RPGRIP1L: variants seen among roughly 807,000 people sequenced by gnomAD.
RPGRIP1L encodes protein fantom.
A neutral mutation model predicts 160.4 loss-of-function variants in RPGRIP1L; 131 were observed. That is an observed-to-expected ratio of 0.82 (90% CI 0.71 to 0.94). RPGRIP1L has a LOEUF of 0.94. Among genes scored for constraint, RPGRIP1L ranks in the 40% least tolerant of loss-of-function variants. RPGRIP1L has a pLI of 0.00. For missense variants in RPGRIP1L, 1,522 were observed against 1,535.8 expected (o/e 0.99, Z 0.15); for synonymous variants, 510 against 515.8 (o/e 0.99, Z 0.15).
chr16:53,625,571 C>T (rs983576834), intron 22 of RPGRIP1L, among the ~76,000 whole-genome samples: 1 of 149,474 alleles, frequency 6.7e-6, no homozygotes, highest in African/African-American at 2.5e-5. Flanking sequence ...GGTGGGGGGG[C>T]CCCTCTGCCC....
rs1185723333 is a variant in RPGRIP1L at position 53,691,109 on chromosome 16, G to GT, written c.529+956dup. ...CCCTTTCTGTTCATAGTGGTTTTTC[G>GT]TTTTTTTTTTTTTAATTCCTCAAAG... On this transcript the variant is annotated intron_variant, in intron 4 of 26. Transcript: ENST00000647211. 4.1e-3 allele frequency among the ~76,000 whole-genome samples: 570 copies of GT among 138,332 alleles called. 4 individuals carry two copies. The highest frequency in any genetic ancestry group is 7.4e-3 in the African/African-American group (283 of 38,102). The allele number at this position is 138,332 out of a possible 152,430, so 90.8% of individuals were successfully genotyped here. A position where few individuals can be genotyped will look rare whatever the true frequency, so the allele number is the denominator to read the frequency against.
At chr16:53,635,118 T>C (rs950462175) in intron 22 of RPGRIP1L, among the ~76,000 whole-genome samples, 14 of 152,276 alleles carry the variant, frequency 9.2e-5, no homozygotes, top group Admixed American at 3.3e-4. Context: ...AAAATATATA[T>C]GTACATTAGA....
intron 19 of RPGRIP1L, among the ~76,000 whole-genome samples, chr16:53,639,631 T>C (rs1183249618): frequency 6.6e-6 from 1 of 152,124 alleles, no homozygotes; most frequent in East Asian, 1.9e-4. Context: ...GGCTACTGTG[T>C]TCAAATCCCA....
chr16:53,628,050 A>G (rs1965292718), intron 22 of RPGRIP1L, among the ~76,000 whole-genome samples: 1 of 152,140 alleles, frequency 6.6e-6, no homozygotes, highest in Non-Finnish European at 1.5e-5. Flanking sequence ...AGGTAAGAGA[A>G]TTTCAACCAT....
Position 53,649,078 on chromosome 16 carries a change from T to C in RPGRIP1L, c.2190A>G (p.Glu730=). ...KGDIPNFGTV[E]YWFRLRVPMD... is the part of the protein sequence containing the mutation. ...TGGGAACTCTTAATCGGAACCAGTA[T>C]TCCACTGTGCCAAAATTTGGGATGT... Residue 730 remains glutamate (E), a synonymous_variant, in exon 16 of 27, where the codon GAA becomes GAG. Transcript: ENST00000647211. 1 of 1,614,096 alleles carries C rather than the reference T, an allele frequency of 6.2e-7. No individual in the cohort carries two copies. The highest frequency in any genetic ancestry group is 1.7e-5 in the Admixed American group (1 of 60,020).
At chr16:53,678,759 A>G (rs1269349165) in intron 6 of RPGRIP1L, among the ~76,000 whole-genome samples, 1 of 152,236 alleles carries the variant, frequency 6.6e-6, no homozygotes, top group Non-Finnish European at 1.5e-5. Flanking sequence ...TGTTTTGAGT[A>G]ATAGTTACAG....
At position 53,658,862 on chromosome 16, in the gene RPGRIP1L, G is replaced by C; in HGVS notation, c.1260C>G (p.Leu420=). The change falls in exon 11 of 27, where the codon CTC becomes CTG. Residue 420 remains leucine (L), a synonymous_variant. Coordinates refer to ENST00000647211, the MANE Select transcript of RPGRIP1L (RefSeq NM_015272.5). ...LKTERDQNEK[L]VQENRELQLQ... Reference sequence around the variant, plus strand: ...ACTGTAGTTCTCTATTCTCTTGAACGAGTTTTTCATTTTGATCTTAAAAAT... The same window carrying C: ...ACTGTAGTTCTCTATTCTCTTGAACCAGTTTTTCATTTTGATCTTAAAAAT... The C allele has an allele frequency of 1.9e-6, 3 of 1,598,598 alleles. No homozygotes were observed. The highest frequency in any genetic ancestry group is 2.6e-6 in the Non-Finnish European group (3 of 1,169,010).
At chr16:53,627,586 T>C (rs572587598) in intron 22 of RPGRIP1L, among the ~76,000 whole-genome samples, 1 of 152,336 alleles carries the variant, frequency 6.6e-6, no homozygotes, top group South Asian at 2.1e-4. Context: ...GTTACCACTA[T>C]CTTGAAGTTG....
chr16:53,695,813 C>T (rs1310372008), intron 3 of RPGRIP1L: 1 of 320,522 alleles, frequency 3.1e-6, no homozygotes, highest in Admixed American at 4.7e-5. Flanking sequence ...TTAAAACTTT[C>T]ATTTTAAAAT....
intron 7 of RPGRIP1L, among the ~76,000 whole-genome samples, chr16:53,673,263 T>A (rs76259720): frequency 1.7e-3 from 262 of 152,298 alleles, no homozygotes; most frequent in African/African-American, 6.1e-3. Flanking sequence ...CATATTTTAT[T>A]TCCTCCTAGT....
intron 25 of RPGRIP1L, among the ~76,000 whole-genome samples, chr16:53,610,060 CA>C (rs1963928513): frequency 6.6e-6 from 1 of 151,826 alleles, no homozygotes; most frequent in Non-Finnish European, 1.5e-5. Flanking sequence ...GGTCATAAGG[CA>C]AGGAGAAGTG....
rs147856665 is a variant in RPGRIP1L at position 53,692,934 on chromosome 16, A to G, written c.231-570T>C. Among the ~76,000 whole-genome samples the G allele has an allele frequency of 1.9e-3, 296 of 152,368 alleles. 2 individuals are homozygous for G. The highest frequency in any genetic ancestry group is 6.7e-3 in the African/African-American group (280 of 41,592). On this transcript the variant is annotated intron_variant, in intron 3 of 26. Transcript: ENST00000647211. ...AAATGTTGCTTAGTGCTCAAGAAAC[A>G]CTTGTGTTTAATGGTAAAAAATAAT...
chr16:53,698,689 G>A (rs1413948272), intron 2 of RPGRIP1L, among the ~76,000 whole-genome samples: 29 of 142,870 alleles, frequency 2.0e-4, no homozygotes, highest in East Asian at 1.6e-3. Context: ...CCCCCCGCCC[G>A]GCCAGCCGCA....
intron 4 of RPGRIP1L, among the ~76,000 whole-genome samples, chr16:53,690,461 G>C (rs1176682469): frequency 7.9e-5 from 12 of 152,082 alleles, no homozygotes; most frequent in Non-Finnish European, 1.5e-4. Context: ...CTCCCAAAGT[G>C]CTGGGATTAT....
rs774753693 is a variant in RPGRIP1L at position 53,696,142 on chromosome 16, T to G, written c.230+9A>C. 1 of 1,613,402 alleles carries G rather than the reference T, an allele frequency of 6.2e-7. No individual in the cohort carries two copies. Among genetic ancestry groups the G allele is most frequent in the Non-Finnish European group, 8.5e-7 (1 of 1,179,650 alleles). On this transcript the variant is annotated intron_variant, in intron 3 of 26. Coordinates refer to ENST00000647211, the MANE Select transcript of RPGRIP1L (RefSeq NM_015272.5). ...TCAAGAAAAAAAGCTAAAAGCTTTT[T>G]ATCATAACCTTTTAATTTTATCCTC...
chr16:53,636,401 T>A (rs956233595), intron 22 of RPGRIP1L, 38 bp downstream of exon 22: 1 of 1,396,890 alleles, frequency 7.2e-7, no homozygotes, highest in Admixed American at 1.7e-5. Flanking sequence ...AAGGCAGCCT[T>A]ATTTCAGAAC....
chr16:53,698,580 A>G (rs1246194742), intron 2 of RPGRIP1L, among the ~76,000 whole-genome samples: 663 of 92,522 alleles, frequency 7.2e-3, no homozygotes, highest in Middle Eastern at 0.03. Context: ...CGCCTCGTCC[A>G]GGAGGTGAGG....
At chr16:53,631,352 G>T (rs1567813996) in intron 22 of RPGRIP1L, among the ~76,000 whole-genome samples, 2 of 152,138 alleles carry the variant, frequency 1.3e-5, no homozygotes, top group African/African-American at 4.8e-5. Context: ...CTAGGAGTAG[G>T]AACAGAGAAA....
At chr16:53,698,449 AG>A in intron 2 of RPGRIP1L, among the ~76,000 whole-genome samples, 1 of 125,218 alleles carries the variant, frequency 8.0e-6, no homozygotes, top group Admixed American at 8.2e-5. Context: ...CTGGGAAGTG[AG>A]GGGCCTCTCT....
Sources: allele counts gnomAD v4.1 joint callset (sites outside exome capture counted in the v4.1 genomes callset), GRCh38; gene constraint gnomAD v4.1.1; transcripts MANE v1.5; gene names NCBI Gene and HGNC (gene_info 2026-07-23, HGNC 2026-07-21).